The following VRTN variants were observed in gnomAD, a reference collection of about 807,000 sequenced individuals.
VRTN encodes vertnin.
VRTN carries 5 observed loss-of-function variants against 18.2 expected under a neutral mutation model. That is an observed-to-expected ratio of 0.27 (90% CI 0.14 to 0.58). VRTN has a LOEUF of 0.58. Ranked by LOEUF, VRTN falls within the 20% of genes least tolerant of loss-of-function variation. The pLI is 0.91. For missense variants in VRTN, 741 were observed against 939.4 expected, an observed-to-expected ratio of 0.79 and a Z score of 2.76; for synonymous variants, 381 against 393.7, an observed-to-expected ratio of 0.97 and a Z score of 0.38.
chr14:74,330,927 C>A (rs189366099), intron 1 of VRTN, among the ~76,000 whole-genome samples: 1 of 151,508 alleles, frequency 6.6e-6, no homozygotes, highest in Non-Finnish European at 1.5e-5. Context: ...GGGCCGGGCA[C>A]GGTGGCTCAC....
chr14:74,357,133 A>G lies in VRTN; in HGVS notation c.350A>G (p.His117Arg), dbSNP rs1219309989. The part of the protein sequence containing the change: ...RTVVEMLLHR[H>R]YYLQGMIDSK... ...GTGGTAGAGATGCTGCTGCACAGAC[A>G]CTACTACCTCCAGGGCATGATCGAC... Residue 117 changes from histidine to arginine, a missense_variant, in exon 2 of 2, where the codon CAC becomes CGC. By Grantham distance (29) the His-to-Arg change is conservative. This residue lies in a region of VRTN where 186 missense variants were observed against 288.3 expected (regional missense o/e 0.65). Transcript: ENST00000256362. This position sits in a 1 kb window ranked among gnomAD's most constrained non-coding sequence, Gnocchi z 7.8. 1 of 1,598,100 alleles carries G rather than the reference A, an allele frequency of 6.3e-7. No homozygotes were observed. Among genetic ancestry groups the G allele is most frequent in the African/African-American group, 1.3e-5 (1 of 74,698 alleles).
At chr14:74,344,750 A>AAAAAAAAAAAGT (rs1410658975), upstream of VRTN, among the ~76,000 whole-genome samples, 28 of 128,084 alleles carry the variant, frequency 2.2e-4, no homozygotes, top group Admixed American at 4.8e-4. Context: ...AAAAAAAATG[A>AAAAAAAAAAAGT]AAAAAAGAAA....
At chr14:74,343,957 G>T (rs766411172), upstream of VRTN, among the ~76,000 whole-genome samples, 1 of 151,348 alleles carries the variant, frequency 6.6e-6, no homozygotes, top group African/African-American at 2.4e-5. Context: ...CACCATGCCC[G>T]GCTTATTTTT....
rs562236752 is a variant in VRTN at position 74,317,504 on chromosome 14, C to G, written c.-164+14328C>G. 5.9e-5 allele frequency among the ~76,000 whole-genome samples: 9 copies of G among 152,134 alleles called. No homozygotes were observed. The South Asian group carries it at 1.9e-3, about 32-fold the overall frequency. On this transcript the variant is annotated intron_variant, in intron 1 of 2. Transcript: ENST00000557177. ...CCCCATGACAAATAATTACTTGGTC[C>G]AAAATGTCAATAGTGAGCCAGGCAC...
intron 1 of VRTN, among the ~76,000 whole-genome samples, chr14:74,350,121 A>G (rs1398591482): frequency 6.6e-6 from 1 of 152,114 alleles, no homozygotes; most frequent in Non-Finnish European, 1.5e-5. Flanking sequence ...TGCCAAAAAG[A>G]CTGTTGCACC....
chr14:74,350,981 T>C (rs2085679334), intron 1 of VRTN, among the ~76,000 whole-genome samples: 2 of 152,242 alleles, frequency 1.3e-5, no homozygotes, highest in African/African-American at 4.8e-5. Context: ...TTGTTTTTCC[T>C]GAGATTTTGG....
chr14:74,325,590 T>C (rs1275509451), intron 1 of VRTN, among the ~76,000 whole-genome samples: 1 of 152,086 alleles, frequency 6.6e-6, no homozygotes, highest in Non-Finnish European at 1.5e-5. Context: ...GGAGGATCTC[T>C]TGAGCCCAAA....
intron 1 of VRTN, among the ~76,000 whole-genome samples, chr14:74,352,094 C>T (rs771439815): frequency 2.4e-4 from 36 of 152,136 alleles, no homozygotes; most frequent in Admixed American, 7.9e-4. Context: ...TTGTGATCCG[C>T]CTGCCTCGTC....
chr14:74,350,467 T>C (rs1418434715), intron 1 of VRTN, among the ~76,000 whole-genome samples: 1 of 152,134 alleles, frequency 6.6e-6, no homozygotes, highest in Admixed American at 6.6e-5. Context: ...GGAAGGTATC[T>C]GGACACTGCT....
rs1191327811 is a variant in VRTN, at chr14:74,357,238, C to T, written c.455C>T (p.Thr152Met). Residue 152 changes from threonine (T) to methionine (M), a missense_variant, in exon 2 of 2, where the codon ACG becomes ATG. By Grantham distance (81) the Thr-to-Met change is moderately conservative. Around this residue, in one of 3 missense-constraint regions of VRTN, gnomAD observed 186 missense variants for 288.3 expected, o/e 0.65. Transcript: ENST00000256362. The surrounding 1 kb of genome is among the most constrained non-coding windows in gnomAD (Gnocchi z 7.8). ...SPEMTSLPPA[T>M]LEAIFDADVK... ...GAGATGACCAGCTTGCCCCCCGCCA[C>T]GCTGGAGGCCATCTTCGATGCCGAC... 13 of 1,613,442 alleles carry T rather than the reference C, an allele frequency of 8.1e-6. No individual in the cohort carries two copies. Among genetic ancestry groups the T allele is most frequent in the Admixed American group, 5.0e-5 (3 of 60,024 alleles).
chr14:74,326,335 A>G (rs36099008), intron 1 of VRTN, among the ~76,000 whole-genome samples: 5,159 of 152,196 alleles, frequency 0.034, 156 homozygotes, highest in African/African-American at 0.076. Context: ...TTTTGGCAGA[A>G]CATAGAAAAT....
In VRTN at chr14:74,334,772, C is replaced by T. The variant is rs544608073; in HGVS notation, c.-163-2951C>T. Among the ~76,000 whole-genome samples the T allele has an allele frequency of 1.9e-4, 29 of 152,254 alleles. No homozygotes were observed. The East Asian group carries it at 2.3e-3, about 12-fold the overall frequency. ...GAATGAAAGAAAATATGTATCTACA[C>T]GGAAGTTCTTCTGAGAATCATCTTG... On this transcript the variant is annotated intron_variant, in intron 1 of 2. Transcript: ENST00000557177.
chr14:74,342,385 T>C (rs1413720226), intron 2 of VRTN, among the ~76,000 whole-genome samples: 2 of 152,208 alleles, frequency 1.3e-5, no homozygotes, highest in African/African-American at 4.8e-5. Flanking sequence ...ATATCCTACA[T>C]TTATTTCTGA....
At chr14:74,318,427 C>T (rs1301967529) in intron 1 of VRTN, among the ~76,000 whole-genome samples, 3 of 152,150 alleles carry the variant, frequency 2.0e-5, no homozygotes, top group African/African-American at 4.8e-5. Flanking sequence ...TGCGCCACCA[C>T]GCCCGGCTAT....
intron 1 of VRTN, among the ~76,000 whole-genome samples, chr14:74,354,531 A>G (rs2085710380): frequency 6.6e-6 from 1 of 151,676 alleles, no homozygotes; most frequent in Non-Finnish European, 1.5e-5. Flanking sequence ...CAGCCTCCTG[A>G]GTAGCTGGGA....
At chr14:74,354,912 C>T (rs967412966) in intron 1 of VRTN, among the ~76,000 whole-genome samples, 3 of 151,774 alleles carry the variant, frequency 2.0e-5, no homozygotes, top group Admixed American at 6.6e-5. Flanking sequence ...GAACCTGAGG[C>T]GGGCAGATCA....
chr14:74,331,547 TATATATATATATATATATATATA>T (rs1567041648), intron 1 of VRTN, among the ~76,000 whole-genome samples: 592 of 26,728 alleles, frequency 0.022, 23 homozygotes, highest in African/African-American at 0.14. Context: ...AAAAATTTTA[TATATATATATATATATATATATA>T]TATATATATA....
At position 74,357,481 on chromosome 14, in the gene VRTN, G is replaced by T; in HGVS notation, c.698G>T (p.Arg233Leu). 1.9e-6 allele frequency: 3 copies of T among 1,611,998 alleles called. No homozygotes were observed. Among genetic ancestry groups the T allele is most frequent in the Non-Finnish European group, 1.7e-6 (2 of 1,179,996 alleles). ...CAGCCCCTCACCAGCCACTTCTTCC[G>T]CCACCAGTACTTTGCCCCTGTGGTG... ...AGQPLTSHFFRHQYFAPVVGL... is the reference protein window; with the variant it reads ...AGQPLTSHFFLHQYFAPVVGL... Residue 233 changes from arginine (R) to leucine (L), a missense_variant, in exon 2 of 2, where the codon CGC becomes CTC. By Grantham distance (102) the Arg-to-Leu change is moderately radical. This residue lies in a region of VRTN where 494 missense variants were observed against 546.5 expected (regional missense o/e 0.90). Coordinates refer to ENST00000256362, the MANE Select transcript of VRTN (RefSeq NM_018228.3). The surrounding 1 kb of genome is among the most constrained non-coding windows in gnomAD (Gnocchi z 7.8).
intron 1 of VRTN, among the ~76,000 whole-genome samples, chr14:74,332,751 C>G (rs1269979163): frequency 6.6e-6 from 1 of 152,058 alleles, no homozygotes; most frequent in African/African-American, 2.4e-5. Flanking sequence ...TTGCTTGAAT[C>G]AAATATTCAC....
Sources: gnomAD v4.1 joint callset for allele counts (sites outside exome capture counted in the v4.1 genomes callset) on GRCh38, gnomAD v4.1.1 for gene constraint, gnomAD v4.1.1 regional missense constraint, Gnocchi (gnomAD v3.1) non-coding constraint, MANE v1.5 for transcripts, NCBI Gene and HGNC (gene_info 2026-07-23, HGNC 2026-07-21) for gene names.